The following STK32B variants were observed in gnomAD, a reference collection of about 807,000 sequenced individuals.
The protein encoded by STK32B is serine/threonine-protein kinase 32B.
STK32B carries 43 observed loss-of-function variants against 52.6 expected under a neutral mutation model. The ratio of observed to expected loss-of-function variants is 0.82; its 90% CI spans 0.64 to 1.05. The LOEUF (loss-of-function observed/expected upper bound fraction) is 1.05. Ranked by LOEUF, STK32B falls within the 50% of genes least tolerant of loss-of-function variation. The pLI, the probability that STK32B is intolerant of heterozygous loss-of-function variation, is 0.00. For missense variants in STK32B, 621 were observed against 534.6 expected (o/e 1.16, Z -1.59); for synonymous variants, 238 against 204.3 (o/e 1.17, Z -1.41).
At chr4:5,190,827 C>T (rs1280335672) in intron 3 of STK32B, among the ~76,000 whole-genome samples, 1 of 152,012 alleles carries the variant, frequency 6.6e-6, no homozygotes, top group Non-Finnish European at 1.5e-5. Context: ...GAGCAGGTCT[C>T]CAAGGCAGGT....
chr4:5,288,510 G>GT (rs1728688913), intron 3 of STK32B, among the ~76,000 whole-genome samples: 1 of 152,004 alleles, frequency 6.6e-6, no homozygotes, highest in Non-Finnish European at 1.5e-5. Context: ...CTTTTCATGG[G>GT]TTTTTTGGTT....
intron 3 of STK32B, among the ~76,000 whole-genome samples, chr4:5,178,189 G>A (rs919222964): frequency 1.3e-5 from 2 of 152,236 alleles, no homozygotes; most frequent in African/African-American, 4.8e-5. Context: ...AATCTAGGCA[G>A]AGGTTCACAA....
In STK32B at chr4:5,460,164, A is replaced by G. The variant is rs2109150271; in HGVS notation, c.845A>G (p.Tyr282Cys). ...SSLHDIQSVP[Y>C]LADMNWDAVF... ...CTTCATGACATACAGAGCGTGCCCT[A>G]CTTGGCCGACATGAACTGGGACGCG... is the stretch of plus-strand genomic sequence containing the variant. Residue 282 changes from tyrosine to cysteine, a missense_variant, in exon 9 of 12, where the codon TAC becomes TGC. Tyr to Cys is a radical substitution (Grantham distance 194). Transcript: ENST00000282908. The surrounding 1 kb of genome is among the most constrained non-coding windows in gnomAD (Gnocchi z 4.8). 1 of 1,614,172 alleles carries G rather than the reference A, an allele frequency of 6.2e-7. No homozygotes were observed. Among genetic ancestry groups the G allele is most frequent in the Non-Finnish European group, 8.5e-7 (1 of 1,180,040 alleles).
chr4:5,177,354 A>G (rs1417002724), intron 3 of STK32B, among the ~76,000 whole-genome samples: 1 of 152,168 alleles, frequency 6.6e-6, no homozygotes, highest in Non-Finnish European at 1.5e-5. Context: ...CCAGAACAGC[A>G]TGGGGGAAAC....
At chr4:5,031,166 C>T in the STK32B span, among the ~76,000 whole-genome samples, 1 of 152,124 alleles carries the variant, frequency 6.6e-6, no homozygotes, top group African/African-American at 2.4e-5. Flanking sequence ...TATGGAGTGT[C>T]ATCTGCTTTA....
At chr4:5,432,981 G>A (rs1713726375) in intron 6 of STK32B, among the ~76,000 whole-genome samples, 1 of 152,164 alleles carries the variant, frequency 6.6e-6, no homozygotes, top group Non-Finnish European at 1.5e-5. Flanking sequence ...GTAAGCATGG[G>A]AGCTGAGGTT....
chr4:5,208,000 C>A (rs911950472), intron 3 of STK32B, among the ~76,000 whole-genome samples: 1 of 152,142 alleles, frequency 6.6e-6, no homozygotes, highest in Admixed American at 6.5e-5. Flanking sequence ...ATCTATCAGT[C>A]AGGATGGGCT....
At chr4:5,226,903 A>C (rs1723915453) in intron 3 of STK32B, among the ~76,000 whole-genome samples, 1 of 152,222 alleles carries the variant, frequency 6.6e-6, no homozygotes, top group Non-Finnish European at 1.5e-5. Flanking sequence ...GACTACTGTA[A>C]CATAATGTTA....
chr4:5,393,282 T>C (rs867263256), intron 4 of STK32B, among the ~76,000 whole-genome samples: 2 of 152,210 alleles, frequency 1.3e-5, no homozygotes. Flanking sequence ...CACCTTTCCA[T>C]GTGCCTGGCC....
chr4:5,377,731 A>C (rs1560365753), intron 4 of STK32B, among the ~76,000 whole-genome samples: 1 of 152,098 alleles, frequency 6.6e-6, no homozygotes, highest in Non-Finnish European at 1.5e-5. Context: ...TGGTTTTATA[A>C]GGCAGTTTTC....
intron 8 of STK32B, chr4:5,458,591 G>C (rs200594494): frequency 6.6e-6 from 1 of 151,692 alleles, no homozygotes; most frequent in Non-Finnish European, 1.5e-5. Context: ...ATAATGGCTT[G>C]TTGAATTATT....
At position 5,302,779 on chromosome 4, in the gene STK32B, G is replaced by A. The variant is rs566833386; in HGVS notation, c.261-28441G>A. 4.2e-4 allele frequency among the ~76,000 whole-genome samples: 60 copies of A among 144,398 alleles called. No homozygotes were observed. The East Asian group carries it at 0.013, about 30-fold the overall frequency. 94.7% of individuals were successfully genotyped at this position (144,398 alleles called of 152,430 possible). On this transcript the variant is annotated intron_variant, in intron 3 of 11. Transcript: ENST00000282908. ...CTCCCACCCTTCCCTCAAAGCCCCCGAAGTCCATTGTATCATTCTTATTCC... is the reference window on the plus strand; with the variant it reads ...CTCCCACCCTTCCCTCAAAGCCCCCAAAGTCCATTGTATCATTCTTATTCC...
At chr4:5,295,021 A>G (rs192418203) in intron 3 of STK32B, among the ~76,000 whole-genome samples, 29 of 152,214 alleles carry the variant, frequency 1.9e-4, no homozygotes, top group Non-Finnish European at 3.4e-4. Flanking sequence ...TTCTGCATCT[A>G]TTGAGATAGT....
At chr4:5,278,790 A>G (rs1427427020) in intron 3 of STK32B, among the ~76,000 whole-genome samples, 3 of 152,150 alleles carry the variant, frequency 2.0e-5, no homozygotes, top group African/African-American at 7.2e-5. Context: ...GGAAGACCTC[A>G]GGAAGCTTAC....
intron 5 of STK32B, among the ~76,000 whole-genome samples, chr4:5,404,827 A>G (rs551572396): frequency 1.3e-4 from 20 of 150,878 alleles, no homozygotes; most frequent in Admixed American, 4.6e-4. Context: ...AAGGGACTCA[A>G]TTAAATTCAT....
chr4:5,055,362 C>T (rs1417003326), intron 1 of STK32B, among the ~76,000 whole-genome samples: 3 of 151,346 alleles, frequency 2.0e-5, no homozygotes, highest in African/African-American at 7.3e-5. Context: ...TTCTTGCCTT[C>T]TCCATCACTA....
chr4:5,387,010 G>C (rs1321196200), intron 4 of STK32B, among the ~76,000 whole-genome samples: 1 of 152,238 alleles, frequency 6.6e-6, no homozygotes, highest in African/African-American at 2.4e-5. Flanking sequence ...GGATCCAGGA[G>C]GAAAATGAGA....
intron 3 of STK32B, among the ~76,000 whole-genome samples, chr4:5,299,119 G>A (rs1415510477): frequency 6.6e-6 from 1 of 151,704 alleles, no homozygotes; most frequent in African/African-American, 2.4e-5. Flanking sequence ...GCCCTTCATG[G>A]GCTGCACCTA....
At chr4:5,200,081 C>G (rs920691893) in intron 3 of STK32B, among the ~76,000 whole-genome samples, 2 of 152,108 alleles carry the variant, frequency 1.3e-5, no homozygotes, top group African/African-American at 4.8e-5. Context: ...GCTGCCAGGC[C>G]TCAGACAATC....
Sources: gnomAD v4.1 joint callset for allele counts (sites outside exome capture counted in the v4.1 genomes callset) on GRCh38, gnomAD v4.1.1 for gene constraint, Gnocchi (gnomAD v3.1) non-coding constraint, MANE v1.5 for transcripts, NCBI Gene and HGNC (gene_info 2026-07-23, HGNC 2026-07-21) for gene names.